Variants in PRR16 observed in about 807,000 individuals in gnomAD.
PRR16 encodes the protein proline rich 16.
A neutral mutation model predicts 18.2 loss-of-function variants in PRR16; 6 were observed. That is an observed-to-expected ratio of 0.33 (90% CI 0.18 to 0.65). The LOEUF is 0.65. PRR16 is among the 30% of genes least tolerant of loss of function. The pLI is 0.74. For synonymous variants in PRR16, 151 were observed against 147.8 expected (o/e 1.02, Z -0.16); for missense variants, 412 against 376.6 (o/e 1.09, Z -0.78).
chr5:120,673,287 A>G (rs1756677947), intron 1 of PRR16, among the ~76,000 whole-genome samples: 2 of 152,194 alleles, frequency 1.3e-5, no homozygotes, highest in Non-Finnish European at 2.9e-5. Context: ...GCATGTGCCA[A>G]TTAGAAGTTA....
rs530718603 is a variant in PRR16, at chr5:120,649,597, G to A, written c.160-36357G>A. On this transcript the variant is annotated intron_variant, in intron 1 of 1. Coordinates refer to ENST00000407149, the MANE Select transcript of PRR16 (RefSeq NM_001300783.2). ...CTATGGCCATTTGGAAGCTGGTTTA[G>A]ATTACTGAATGACATTAAAAAGCTG... 7.9e-5 allele frequency among the ~76,000 whole-genome samples: 12 copies of A among 152,212 alleles called. No individual in the cohort carries two copies. In the East Asian group the frequency reaches 1.7e-3, roughly 22 times the overall value.
At chr5:120,710,515 A>G in the PRR16 span, among the ~76,000 whole-genome samples, 1 of 152,172 alleles carries the variant, frequency 6.6e-6, no homozygotes, top group South Asian at 2.1e-4. Flanking sequence ...AGCTTATCTG[A>G]ACTACCACAT....
At chr5:120,599,097 T>C (rs917001387) in intron 1 of PRR16, among the ~76,000 whole-genome samples, 3 of 151,822 alleles carry the variant, frequency 2.0e-5, no homozygotes, top group African/African-American at 4.8e-5. Context: ...ATTCTACCTA[T>C]TATTGTCTTG....
intron 1 of PRR16, among the ~76,000 whole-genome samples, chr5:120,672,544 G>A (rs1043390885): frequency 1.1e-3 from 156 of 136,564 alleles, no homozygotes; most frequent in South Asian, 4.5e-3. Flanking sequence ...ATATATATGT[G>A]TGTGTGTGTG....
At chr5:120,713,969 C>G in the PRR16 span, among the ~76,000 whole-genome samples, 2,729 of 152,108 alleles carry the variant, frequency 0.018, 52 homozygotes, top group Non-Finnish European at 0.026. Context: ...AGTTTTGATA[C>G]ATTTCCGAGA....
intron 1 of PRR16, among the ~76,000 whole-genome samples, chr5:120,664,852 A>G (rs1422877526): frequency 6.7e-6 from 1 of 149,636 alleles, no homozygotes; most frequent in Non-Finnish European, 1.5e-5. Flanking sequence ...AATCCAGTCT[A>G]TCATTGTTGG....
intron 1 of PRR16, among the ~76,000 whole-genome samples, chr5:120,528,197 T>G (rs188030742): frequency 6.6e-6 from 1 of 152,250 alleles, no homozygotes; most frequent in East Asian, 1.9e-4. Flanking sequence ...AGAAATCAGG[T>G]CAATAAATGG....
intron 1 of PRR16, among the ~76,000 whole-genome samples, chr5:120,656,345 C>G (rs1755975012): frequency 6.6e-6 from 1 of 151,434 alleles, no homozygotes; most frequent in African/African-American, 2.4e-5. Context: ...CACCTCTCTT[C>G]TTAACGGATG....
At chr5:120,777,073 C>A in the PRR16 span, among the ~76,000 whole-genome samples, 1 of 151,884 alleles carries the variant, frequency 6.6e-6, no homozygotes. Flanking sequence ...AGCTTGGTCC[C>A]CAAGCTCTTG....
chr5:120,543,503 A>G (rs1447636584), intron 1 of PRR16, among the ~76,000 whole-genome samples: 1 of 152,222 alleles, frequency 6.6e-6, no homozygotes, highest in Non-Finnish European at 1.5e-5. Context: ...AAGAATATAC[A>G]TTATGTAGTA....
intron 1 of PRR16, among the ~76,000 whole-genome samples, chr5:120,534,478 T>C (rs1247490023): frequency 1.3e-5 from 2 of 152,298 alleles, no homozygotes; most frequent in East Asian, 3.9e-4. Context: ...TTTTACACTC[T>C]ACTGCACCTG....
chr5:120,745,564 A>AG, the PRR16 span, among the ~76,000 whole-genome samples: 1 of 144,930 alleles, frequency 6.9e-6, no homozygotes, highest in African/African-American at 2.7e-5. Flanking sequence ...AACAACAACA[A>AG]CAACAAATAC....
At chr5:120,649,830 A>G (rs1755714356) in intron 1 of PRR16, among the ~76,000 whole-genome samples, 1 of 152,106 alleles carries the variant, frequency 6.6e-6, no homozygotes, top group African/African-American at 2.4e-5. Context: ...TATTTTTATA[A>G]GGCACCCCGT....
At chr5:120,774,472 G>A in the PRR16 span, among the ~76,000 whole-genome samples, 2 of 151,910 alleles carry the variant, frequency 1.3e-5, no homozygotes, top group Non-Finnish European at 2.9e-5. Flanking sequence ...CTCAAACGGG[G>A]GCAATTTTAA....
At chr5:120,697,727 T>C in the PRR16 span, among the ~76,000 whole-genome samples, 1 of 151,918 alleles carries the variant, frequency 6.6e-6, no homozygotes, top group Admixed American at 6.6e-5. Flanking sequence ...GGGTTTGTTC[T>C]CTGGCGGGCA....
chr5:120,572,557 T>C (rs990605081), intron 1 of PRR16, among the ~76,000 whole-genome samples: 1 of 152,098 alleles, frequency 6.6e-6, no homozygotes, highest in Non-Finnish European at 1.5e-5. Flanking sequence ...CTGTTAGATA[T>C]ATAAGTCAGG....
At chr5:120,716,532 G>C in the PRR16 span, among the ~76,000 whole-genome samples, 2 of 152,130 alleles carry the variant, frequency 1.3e-5, no homozygotes, top group African/African-American at 2.4e-5. Context: ...TAATCTGCCT[G>C]GTACCACCAG....
chr5:120,582,300 A>G (rs1183899151), intron 1 of PRR16, among the ~76,000 whole-genome samples: 1 of 152,134 alleles, frequency 6.6e-6, no homozygotes, highest in Non-Finnish European at 1.5e-5. Context: ...TGGAATCTCT[A>G]AAAAGGGCAT....
At chr5:120,552,891 T>G (rs1752297532) in intron 1 of PRR16, among the ~76,000 whole-genome samples, 1 of 151,846 alleles carries the variant, frequency 6.6e-6, no homozygotes, top group Non-Finnish European at 1.5e-5. Context: ...AGTGAAAGAT[T>G]AGAATTCAAA....
Sources: allele counts gnomAD v4.1 joint callset (sites outside exome capture counted in the v4.1 genomes callset), GRCh38; gene constraint gnomAD v4.1.1; transcripts MANE v1.5; gene names NCBI Gene and HGNC (gene_info 2026-07-23, HGNC 2026-07-21).